Variants in TTN observed in about 807,000 individuals in gnomAD.
TTN encodes the protein connectin.
TTN carries 1,525 observed loss-of-function variants against 3,223.0 expected under a neutral mutation model. The observed-to-expected ratio is 0.47, with a 90% CI of 0.45 to 0.49. TTN has a LOEUF of 0.49. Ranked by LOEUF, TTN falls within the 20% of genes least tolerant of loss-of-function variation. TTN has a pLI of 0.00. For synonymous variants in TTN, 14,094 were observed against 15,161.0 expected, an observed-to-expected ratio of 0.93 and a Z score of 5.17; for missense variants, 40,786 against 43,424.0, an observed-to-expected ratio of 0.94 and a Z score of 5.40.
At position 178,664,030 on chromosome 2, in the gene TTN, C is replaced by A; in HGVS notation, c.36349G>T (p.Val12117Phe). The change falls in exon 169 of 363, where the codon GTC becomes TTC. Residue 12117 changes from valine to phenylalanine, a missense_variant. Transcript: ENST00000589042. Reference sequence around the variant, plus strand: ...TGACAAATACCTTTAACAGGTGGGACTTCAGGCTTTTTAGGAGGCACCACC... The same window carrying A: ...TGACAAATACCTTTAACAGGTGGGAATTCAGGCTTTTTAGGAGGCACCACC... ...VSVVPPKKPE[V>F]PPVKVPEASK... The A allele has an allele frequency of 1.9e-6, 3 of 1,613,314 alleles. No homozygotes were observed. Among genetic ancestry groups the A allele is most frequent in the Non-Finnish European group, 2.5e-6 (3 of 1,179,768 alleles).
rs1283284446 is a variant in TTN, at chr2:178,592,898, T to C, written c.59221A>G (p.Lys19741Glu). ...NHTPESCPET[K>E]YKVTGLRDGQ... ...TCCCGAAGACCGGTGACTTTATATT[T>C]AGTTTCAGGACATGACTCAGGGGTG... The change falls in exon 300 of 363, where the codon AAA becomes GAA. Residue 19741 changes from lysine (K) to glutamate (E), a missense_variant. Lys to Glu is a moderately conservative substitution (Grantham distance 56). Transcript: ENST00000589042. The C allele has an allele frequency of 6.2e-7, 1 of 1,613,380 alleles. No individual in the cohort carries two copies. The highest frequency in any genetic ancestry group is 8.5e-7 in the Non-Finnish European group (1 of 1,179,594).
intron 240 of TTN, among the ~76,000 whole-genome samples, chr2:178,627,628 C>T (rs2059231929): frequency 6.6e-6 from 1 of 151,804 alleles, no homozygotes; most frequent in Non-Finnish European, 1.5e-5. Flanking sequence ...GTAAACTGAT[C>T]CTTTCTAACC....
At chr2:178,696,360 A>T in intron 113 of TTN, 91 bp from the exon 114 acceptor site, 3 of 1,056,940 alleles carry the variant, frequency 2.8e-6, no homozygotes, top group Non-Finnish European at 2.6e-6. Flanking sequence ...CAACATCAGT[A>T]TTTCAGATCT....
At position 178,548,063 on chromosome 2, in the gene TTN, G is replaced by A; in HGVS notation, c.93563C>T (p.Ala31188Val). 1 of 1,613,828 alleles carries A rather than the reference G, an allele frequency of 6.2e-7. No homozygotes were observed. The highest frequency in any genetic ancestry group is 1.3e-5 in the African/African-American group (1 of 75,010). The change falls in exon 339 of 363, where the codon GCC becomes GTC. Residue 31188 changes from alanine to valine, a missense_variant. Coordinates refer to ENST00000589042, the MANE Select transcript of TTN (RefSeq NM_001267550.2). The surrounding 1 kb of genome is among the most constrained non-coding windows in gnomAD (Gnocchi z 4.3). ...TTCACTATAGCCAGCATCATTCTTG[G>A]CCTTCACACGGAATTCATATTCAGT... Reference protein sequence around the residue: ...EKTEYEFRVKAKNDAGYSEPR... With the variant: ...EKTEYEFRVKVKNDAGYSEPR...
chr2:178,742,632 C>A (rs998398193), intron 47 of TTN, among the ~76,000 whole-genome samples: 1 of 152,056 alleles, frequency 6.6e-6, no homozygotes, highest in Admixed American at 6.6e-5. Flanking sequence ...AAAACCTATA[C>A]AGAACCACTG....
intron 240 of TTN, among the ~76,000 whole-genome samples, chr2:178,627,222 A>T (rs1177250222): frequency 6.6e-6 from 1 of 151,968 alleles, no homozygotes; most frequent in Non-Finnish European, 1.5e-5. Flanking sequence ...GTCCTTTCTT[A>T]AACTGACAGC....
At position 178,612,156 on chromosome 2, in the gene TTN, G is replaced by C. The variant is rs2056443749; in HGVS notation, c.50255C>G (p.Pro16752Arg). The stretch of plus-strand genomic sequence containing the variant: ...CACTGCCAGGGCGTAGGGTGGTCCA[G>C]GAGTGGCTGAAAATAAAATAAACAA... ...SVLAKDTFTT[P>R]GPPYALAVVD... Residue 16752 changes from proline to arginine, a missense_variant, in exon 267 of 363, where the codon CCT (proline) becomes CGT (arginine). Pro to Arg is a moderately radical substitution (Grantham distance 103). Transcript: ENST00000589042. 1.6e-5 allele frequency: 25 copies of C among 1,608,584 alleles called. No homozygotes were observed. The highest frequency in any genetic ancestry group is 2.1e-5 in the Non-Finnish European group (25 of 1,177,982).
At position 178,552,745 on chromosome 2, in the gene TTN, G is replaced by T; in HGVS notation, c.90155C>A (p.Thr30052Asn). The T allele has an allele frequency of 2.5e-6, 4 of 1,613,902 alleles. No homozygotes were observed. Among genetic ancestry groups the T allele is most frequent in the Non-Finnish European group, 3.4e-6 (4 of 1,179,822 alleles). ...GCTACCACCATCAAAGTCAGGTTTG[G>T]TCCAGCTGAGGATGACAGATGTCTT... ...STKTSVILSW[T>N]KPDFDGGSVI... The change falls in exon 335 of 363, where the codon ACC (threonine) becomes AAC (asparagine). Residue 30052 changes from threonine to asparagine, a missense_variant. Thr to Asn is a moderately conservative substitution (Grantham distance 65). Transcript: ENST00000589042.
At chr2:178,738,394 C>A (rs1253350709) in intron 48 of TTN, 34 bp from the exon 49 acceptor site, 6 of 1,573,242 alleles carry the variant, frequency 3.8e-6, no homozygotes, top group African/African-American at 2.7e-5. Context: ...TAACATGCCT[C>A]CTTATCAGGC....
At chr2:178,795,345 CAG>C in intron 6 of TTN, 93 bp from the exon 7 acceptor site, 4 of 1,232,772 alleles carry the variant, frequency 3.2e-6, no homozygotes, top group Non-Finnish European at 4.7e-6. Context: ...TGCTTTAAGG[CAG>C]AGTTTTAAAA....
chr2:178,749,687 C>T (rs1330999393), intron 47 of TTN: 2 of 1,612,750 alleles, frequency 1.2e-6, no homozygotes, highest in Admixed American at 3.3e-5. Flanking sequence ...TTCAACTGCC[C>T]CTGAATTGTT....
intron 29 of TTN, 73 bp from the exon 30 acceptor site, chr2:178,774,546 G>A (rs2091970354): frequency 7.0e-7 from 1 of 1,418,822 alleles, no homozygotes; most frequent in Non-Finnish European, 9.7e-7. Flanking sequence ...TAGAGATGAT[G>A]TCTTGTATGT....
rs776197188 is a variant in TTN at position 178,545,579 on chromosome 2, A to G, written c.95531T>C (p.Val31844Ala). Residue 31844 changes from valine to alanine, a missense_variant, in exon 344 of 363, where the codon GTA (valine) becomes GCA (alanine). Physicochemically the swap from Val to Ala is moderately conservative, Grantham distance 64. Coordinates refer to ENST00000589042, the MANE Select transcript of TTN (RefSeq NM_001267550.2). ...DGGNEISNYL[V>A]DKREKKSLRW... ...CAGGCTCTTCTTCTCACGTTTGTCT[A>G]CTAGGTAGTTGCTGATTTCATTGCC... 7 of 1,613,582 alleles carry G rather than the reference A, an allele frequency of 4.3e-6. No homozygotes were observed. Among genetic ancestry groups the G allele is most frequent in the African/African-American group, 2.7e-5 (2 of 74,886 alleles).
At chr2:178,745,960 T>C (rs866024377) in intron 47 of TTN, 2 of 1,610,010 alleles carry the variant, frequency 1.2e-6, no homozygotes, top group Middle Eastern at 1.6e-4. Context: ...TGCTTTTCTT[T>C]GCTATCACAG....
intron 213 of TTN, 126 bp downstream of exon 213, chr2:178,649,122 T>G: frequency 1.4e-6 from 1 of 731,486 alleles, no homozygotes; most frequent in Non-Finnish European, 2.1e-6. Flanking sequence ...CCCTTCATTA[T>G]TTCCCTTTTT....
In TTN at chr2:178,713,225, C is replaced by T. The variant is rs879143084; in HGVS notation, c.26909G>A (p.Arg8970Lys). The T allele has an allele frequency of 6.2e-7, 1 of 1,613,460 alleles. No individual in the cohort carries two copies. The change falls in exon 93 of 363, where the codon AGG becomes AAG. Residue 8970 changes from arginine to lysine, a missense_variant. By Grantham distance (26) the Arg-to-Lys change is conservative. Transcript: ENST00000589042. The part of the protein sequence containing the change: ...FHEGNEISSG[R>K]KYQTTLTDNT... ...ATCTGTCAGGGTGGTCTGGTATTTC[C>T]TTCCACTACTGATCTCATTTCCTTC...
intron 143 of TTN, 86 bp downstream of exon 143, chr2:178,678,661 C>A: frequency 1.5e-6 from 2 of 1,305,850 alleles, no homozygotes; most frequent in East Asian, 2.5e-5. Context: ...AGAGTTGCAT[C>A]CCAAAGAGTA....
Position 178,567,457 on chromosome 2 carries a change from A to C in TTN, c.78675T>G (p.Ile26225Met). The C allele has an allele frequency of 6.2e-7, 1 of 1,612,972 alleles. No individual in the cohort carries two copies. The highest frequency in any genetic ancestry group is 8.5e-7 in the Non-Finnish European group (1 of 1,179,432). ...TTTCCTTATCTCCTCTTAACCACTC[A>C]ATGGTAGGTAGGGGCTTTCCATGGA... ...ADVHGKPLPT[I>M]EWLRGDKEIE... The change falls in exon 326 of 363, where the codon ATT becomes ATG. Residue 26225 changes from isoleucine to methionine, a missense_variant. Coordinates refer to ENST00000589042, the MANE Select transcript of TTN (RefSeq NM_001267550.2).
intron 124 of TTN, 24 bp from the exon 125 acceptor site, chr2:178,689,160 A>G: frequency 6.3e-7 from 1 of 1,596,542 alleles, no homozygotes; most frequent in South Asian, 1.1e-5. Context: ...ATGCACTTTT[A>G]GAAATTTAAT....
Sources: gnomAD v4.1 joint callset for allele counts (sites outside exome capture counted in the v4.1 genomes callset) on GRCh38, gnomAD v4.1.1 for gene constraint, Gnocchi (gnomAD v3.1) non-coding constraint, MANE v1.5 for transcripts, NCBI Gene and HGNC (gene_info 2026-07-23, HGNC 2026-07-21) for gene names.